Variants in CCDC66 observed in about 807,000 individuals in gnomAD.
CCDC66 encodes coiled-coil domain containing 66, also known as coiled-coil domain-containing protein 66.
A neutral mutation model predicts 128.3 loss-of-function variants in CCDC66; 133 were observed. That is an observed-to-expected ratio of 1.04 (90% CI 0.90 to 1.20). CCDC66 has a LOEUF of 1.20. Among genes scored for constraint, CCDC66 ranks in the 50% most tolerant of loss-of-function variants. The pLI is 0.00. For missense variants in CCDC66, 1,126 were observed against 1,075.5 expected, an observed-to-expected ratio of 1.05 and a Z score of -0.66; for synonymous variants, 387 against 357.0, an observed-to-expected ratio of 1.08 and a Z score of -0.95.
At chr3:56,567,714 A>G (rs4974218) in intron 6 of CCDC66, among the ~76,000 whole-genome samples, 116,169 of 151,622 alleles carry the variant, frequency 0.77, 45,361 homozygotes, top group Non-Finnish European at 0.86. Context: ...GTTTTTTGAG[A>G]TGGGGTCTCG....
intron 2 of CCDC66, 24 bp from the exon 3 acceptor site, chr3:56,559,545 A>C: frequency 6.7e-7 from 1 of 1,491,596 alleles, no homozygotes; most frequent in Non-Finnish European, 9.1e-7. Flanking sequence ...TGGATAGTTT[A>C]GTAATTTCTT....
In CCDC66 at chr3:56,571,299, T is replaced by G. The variant is rs1473221230; in HGVS notation, c.933T>G (p.Ser311=). 6.6e-7 allele frequency: 1 copy of G among 1,510,312 alleles called. No individual in the cohort carries two copies. Among genetic ancestry groups the G allele is most frequent in the Admixed American group, 2.0e-5 (1 of 50,684 alleles). 93.6% of individuals were successfully genotyped at this position (1,510,312 alleles called of 1,614,324 possible). The change falls in exon 7 of 18, where the codon TCT becomes TCG. Residue 311 remains serine (S), a synonymous_variant. Coordinates refer to ENST00000394672, the MANE Select transcript of CCDC66 (RefSeq NM_001141947.3). ...IWEKHQILDQ[S]RETVLLEHPF... Reference sequence around the variant, plus strand: ...AAAAACATCAAATTCTTGACCAATCTAGGGTAAGACATCTTAATTGCAATT... The same window carrying G: ...AAAAACATCAAATTCTTGACCAATCGAGGGTAAGACATCTTAATTGCAATT...
At position 56,571,895 on chromosome 3, in the gene CCDC66, A is replaced by T. The variant is rs543429478; in HGVS notation, c.936+593A>T. On this transcript the variant is annotated intron_variant, in intron 7 of 17. Coordinates refer to ENST00000394672, the MANE Select transcript of CCDC66 (RefSeq NM_001141947.3). ...CACCATGCCCAGCTAATTAAAAAAA[A>T]TTTTTTTTAGAGACAGGGTCTCACT... 3.1e-4 allele frequency among the ~76,000 whole-genome samples: 47 copies of T among 151,218 alleles called. No individual in the cohort carries two copies. The South Asian group carries it at 3.2e-3, about 10-fold the overall frequency.
At chr3:56,601,307 C>T (rs1199604262) in intron 10 of CCDC66, among the ~76,000 whole-genome samples, 3 of 152,000 alleles carry the variant, frequency 2.0e-5, no homozygotes, top group Non-Finnish European at 4.4e-5. Context: ...ATTTCTGAGG[C>T]CTCTCTTCTG....
At chr3:56,616,662 G>A (rs1341408236) in intron 13 of CCDC66, 1 of 157,176 alleles carries the variant, frequency 6.4e-6, no homozygotes, top group African/African-American at 2.4e-5. Flanking sequence ...CGAGAGAAGA[G>A]TAGAATTGCT....
intron 10 of CCDC66, among the ~76,000 whole-genome samples, chr3:56,607,721 C>A (rs1022093019): frequency 1.3e-5 from 2 of 152,116 alleles, no homozygotes; most frequent in African/African-American, 4.8e-5. Context: ...TGTTCCTGTT[C>A]TCAGAGGGAA....
chr3:56,563,844 C>G lies in CCDC66; in HGVS notation c.263C>G (p.Thr88Ser), dbSNP rs753427169. 4 of 1,575,604 alleles carry G rather than the reference C, an allele frequency of 2.5e-6. No individual in the cohort carries two copies. Among genetic ancestry groups the G allele is most frequent in the Non-Finnish European group, 3.5e-6 (4 of 1,159,188 alleles). ...GCAAAAGGTGAAAAAAATGGAATGA[C>G]TTTTTCATCCACTAAGGATTTATGT... Reference protein sequence around the residue: ...SQAKGEKNGMTFSSTKDLCKQ... With the variant: ...SQAKGEKNGMSFSSTKDLCKQ... The change falls in exon 4 of 18, where the codon ACT (threonine) becomes AGT (serine). Residue 88 changes from threonine (T) to serine (S), a missense_variant. Thr to Ser is a moderately conservative substitution (Grantham distance 58). Coordinates refer to ENST00000394672, the MANE Select transcript of CCDC66 (RefSeq NM_001141947.3).
chr3:56,570,395 C>A (rs983518052), intron 6 of CCDC66: 1 of 152,156 alleles, frequency 6.6e-6, no homozygotes, highest in Non-Finnish European at 1.5e-5. Flanking sequence ...GTGCCAAGCC[C>A]TATATTGAGA....
intron 7 of CCDC66, among the ~76,000 whole-genome samples, chr3:56,579,893 G>A (rs936336846): frequency 2.0e-5 from 3 of 151,880 alleles, no homozygotes; most frequent in African/African-American, 4.8e-5. Context: ...CTGTTGATTT[G>A]GGGTGGAGAG....
chr3:56,573,383 A>G (rs535794645), intron 7 of CCDC66, among the ~76,000 whole-genome samples: 1 of 152,262 alleles, frequency 6.6e-6, no homozygotes, highest in East Asian at 1.9e-4. Context: ...GCTGGGAAGC[A>G]TAGCCTTCGG....
chr3:56,566,714 A>G lies in CCDC66; in HGVS notation c.665A>G (p.Asn222Ser), dbSNP rs371765887. ...SVPAENKSVL[N>S]EHQETSKQCE... ...CCAGCTGAAAATAAATCTGTCTTAA[A>G]TGAACATCAGGAGACATCTAAACAG... The change falls in exon 5 of 18, where the codon AAT (asparagine) becomes AGT (serine). Residue 222 changes from asparagine (N) to serine (S), a missense_variant. Transcript: ENST00000394672. The G allele has an allele frequency of 2.4e-5, 39 of 1,613,830 alleles. No individual in the cohort carries two copies. The highest frequency in any genetic ancestry group is 3.1e-5 in the Non-Finnish European group (37 of 1,179,918).
chr3:56,612,442 C>T (rs903366748), intron 10 of CCDC66, among the ~76,000 whole-genome samples: 13 of 152,110 alleles, frequency 8.5e-5, no homozygotes, highest in African/African-American at 2.9e-4. Flanking sequence ...CCTTGGGCCC[C>T]AGGGCTGTAT....
intron 1 of CCDC66, chr3:56,557,587 TC>T (rs2064495563): frequency 2.8e-6 from 1 of 362,376 alleles, no homozygotes; most frequent in Non-Finnish European, 5.0e-6. Context: ...GCGTGGCGGC[TC>T]CTGGGGAGGA....
At chr3:56,590,131 T>C (rs7617331) in intron 7 of CCDC66, among the ~76,000 whole-genome samples, 58,087 of 152,016 alleles carry the variant, frequency 0.38, 13,697 homozygotes, top group Non-Finnish European at 0.54. Flanking sequence ...GGCAGGTGGA[T>C]GTTGTCATCT....
rs1338592025 is a variant in CCDC66, at chr3:56,615,907, AT to A, written c.1712-12del. On this transcript the variant is annotated splice_polypyrimidine_tract_variant and intron_variant, in intron 12 of 17. Transcript: ENST00000394672. ...TCCTTAAGTGTTGTTTTATCAGGTG[AT>A]TTCTCTTTGCCAGTTGATACAATAC... 1 of 1,581,138 alleles carries A rather than the reference AT, an allele frequency of 6.3e-7. No individual in the cohort carries two copies. Among genetic ancestry groups the A allele is most frequent in the Non-Finnish European group, 8.6e-7 (1 of 1,162,154 alleles).
intron 7 of CCDC66, among the ~76,000 whole-genome samples, chr3:56,581,220 T>A (rs542621795): frequency 6.6e-6 from 1 of 152,010 alleles, no homozygotes; most frequent in South Asian, 2.1e-4. Flanking sequence ...CTTGTGCATT[T>A]GTCATGTAGT....
chr3:56,559,438 C>G (rs1244629278), intron 2 of CCDC66, 131 bp from the exon 3 acceptor site: 1 of 594,920 alleles, frequency 1.7e-6, no homozygotes, highest in Non-Finnish European at 2.9e-6. Context: ...CAGTCAAGAT[C>G]TAAAGTTTAT....
chr3:56,596,453 A>G (rs951416373), intron 10 of CCDC66, among the ~76,000 whole-genome samples: 4 of 144,654 alleles, frequency 2.8e-5, no homozygotes, highest in African/African-American at 1.0e-4. Flanking sequence ...CATTCTGGAT[A>G]GTAGCCCTTT....
chr3:56,600,476 A>G (rs533485893), intron 10 of CCDC66, among the ~76,000 whole-genome samples: 1 of 151,912 alleles, frequency 6.6e-6, no homozygotes, highest in Non-Finnish European at 1.5e-5. Flanking sequence ...AATGATTTAT[A>G]ATCCCTTCGG....
Sources: gnomAD v4.1 joint callset for allele counts (sites outside exome capture counted in the v4.1 genomes callset) on GRCh38, gnomAD v4.1.1 for gene constraint, MANE v1.5 for transcripts, NCBI Gene and HGNC (gene_info 2026-07-23, HGNC 2026-07-21) for gene names.